Variants in RFX4 observed in about 807,000 individuals in gnomAD.
RFX4 encodes the protein regulatory factor X4, also known as transcription factor RFX4.
RFX4 carries 10 observed loss-of-function variants against 95.0 expected under a neutral mutation model. The ratio of observed to expected loss-of-function variants is 0.11; its 90% CI spans 0.06 to 0.18. The LOEUF (loss-of-function observed/expected upper bound fraction) is 0.18. Ranked by LOEUF, RFX4 falls within the 10% of genes least tolerant of loss-of-function variation. The pLI is 1.00. For missense variants in RFX4, 640 were observed against 922.0 expected, an observed-to-expected ratio of 0.69 and a Z score of 3.96; for synonymous variants, 321 against 340.7, an observed-to-expected ratio of 0.94 and a Z score of 0.64.
At chr12:106,626,791 A>T (rs1431105073) in intron 2 of RFX4, among the ~76,000 whole-genome samples, 1 of 152,188 alleles carries the variant, frequency 6.6e-6, no homozygotes, top group Non-Finnish European at 1.5e-5. Flanking sequence ...CCTCTTTCAG[A>T]GACAGAATAA....
At chr12:106,733,192 C>CA in intron 15 of RFX4, 107 bp downstream of exon 15, 1 of 1,275,324 alleles carries the variant, frequency 7.8e-7, no homozygotes, top group Non-Finnish European at 1.1e-6. Context: ...CACAAAAAGC[C>CA]AGACATCTTG....
chr12:106,609,245 AGTT>A (rs1455431558), intron 2 of RFX4, among the ~76,000 whole-genome samples: 2 of 152,210 alleles, frequency 1.3e-5, no homozygotes, highest in Non-Finnish European at 2.9e-5. Context: ...GGTTCAAAGT[AGTT>A]GTGTCACAGG....
rs115223834 is a variant in RFX4, at chr12:106,743,749, G to A, written c.1634-3688G>A. ...TCTCTCAGGTGATGGCTATTATCAT[G>A]ACTTCTTCCCACTGCTTGGAAAAAA... On this transcript the variant is annotated intron_variant, in intron 15 of 17. Coordinates refer to ENST00000392842, the MANE Select transcript of RFX4 (RefSeq NM_213594.3). Among the ~76,000 whole-genome samples, 297 of 152,216 alleles carry A rather than the reference G, an allele frequency of 2.0e-3. 3 individuals are homozygous for A. Among genetic ancestry groups the A allele is most frequent in the African/African-American group, 6.8e-3 (281 of 41,534 alleles).
At chr12:106,739,123 A>G (rs894299232) in intron 15 of RFX4, among the ~76,000 whole-genome samples, 2 of 97,208 alleles carry the variant, frequency 2.1e-5, no homozygotes, top group African/African-American at 6.4e-5. Context: ...AAGGACCAAA[A>G]CCAGAAAGAA....
intron 8 of RFX4, among the ~76,000 whole-genome samples, chr12:106,698,924 C>T (rs1252842435): frequency 6.6e-6 from 1 of 151,816 alleles, no homozygotes. Flanking sequence ...TGCTTTTTAT[C>T]TTTATTCCTC....
At chr12:106,613,651 A>C (rs2040009383) in intron 2 of RFX4, among the ~76,000 whole-genome samples, 1 of 152,146 alleles carries the variant, frequency 6.6e-6, no homozygotes, top group Non-Finnish European at 1.5e-5. Context: ...GGTGTGAGCC[A>C]CCACGCCTGG....
intron 2 of RFX4, among the ~76,000 whole-genome samples, chr12:106,621,882 C>G (rs2040193995): frequency 6.6e-6 from 1 of 152,154 alleles, no homozygotes; most frequent in Admixed American, 6.5e-5. Context: ...CTGGTGCTTC[C>G]TTTCTTTCAA....
intron 17 of RFX4, among the ~76,000 whole-genome samples, chr12:106,752,442 T>A (rs1029465266): frequency 2.2e-4 from 33 of 152,124 alleles, no homozygotes; most frequent in Non-Finnish European, 2.9e-5. Flanking sequence ...ACCTGGTCGC[T>A]AAACAGTTTT....
At chr12:106,752,469 CCT>C (rs748975196) in intron 17 of RFX4, among the ~76,000 whole-genome samples, 6 of 152,040 alleles carry the variant, frequency 3.9e-5, no homozygotes, top group Non-Finnish European at 5.9e-5. Flanking sequence ...CATTCTATCC[CCT>C]CTTTGACCTC....
chr12:106,639,129 G>A (rs1384136813), intron 2 of RFX4, among the ~76,000 whole-genome samples: 1 of 152,176 alleles, frequency 6.6e-6, no homozygotes. Flanking sequence ...AAATTGACAT[G>A]AGAGTTTTAA....
At chr12:106,741,600 A>G (rs993406975) in intron 15 of RFX4, among the ~76,000 whole-genome samples, 2 of 152,208 alleles carry the variant, frequency 1.3e-5, no homozygotes, top group African/African-American at 2.4e-5. Context: ...ACGAGTGGCT[A>G]TAGGATAGGG....
At chr12:106,639,448 C>T in intron 3 of RFX4, 56 bp downstream of exon 3, 1 of 1,460,228 alleles carries the variant, frequency 6.8e-7, no homozygotes, top group Non-Finnish European at 9.6e-7. Context: ...ATCTTCTTGT[C>T]TATAGGATAG....
chr12:106,637,393 A>G (rs2040534627), intron 2 of RFX4, among the ~76,000 whole-genome samples: 1 of 152,152 alleles, frequency 6.6e-6, no homozygotes, highest in Admixed American at 6.6e-5. Flanking sequence ...AATTTTAGAA[A>G]AATTTTTCTA....
At chr12:106,683,671 A>G (rs1230895483) in intron 5 of RFX4, 1 of 152,106 alleles carries the variant, frequency 6.6e-6, no homozygotes, top group African/African-American at 2.4e-5. Context: ...ATATGGAATA[A>G]ATGAAAATAA....
At chr12:106,665,792 C>G (rs1270982472) in intron 4 of RFX4, among the ~76,000 whole-genome samples, 1 of 147,512 alleles carries the variant, frequency 6.8e-6, no homozygotes, top group African/African-American at 2.4e-5. Context: ...AAAATCATAA[C>G]TTTTGTGCCC....
intron 4 of RFX4, among the ~76,000 whole-genome samples, chr12:106,656,924 A>G (rs2040972122): frequency 4.6e-5 from 7 of 152,248 alleles, no homozygotes; most frequent in Admixed American, 4.6e-4. Context: ...GCCTTAAAAC[A>G]AGGAAATACT....
intron 2 of RFX4, among the ~76,000 whole-genome samples, chr12:106,622,622 AT>A (rs34736856): frequency 0.31 from 40,553 of 131,984 alleles, 5,699 homozygotes; most frequent in African/African-American, 0.4. Context: ...TCCAAGCTGC[AT>A]TTTTTTTTTT....
In RFX4 at chr12:106,736,222, T is replaced by C. The variant is rs1485008482; in HGVS notation, c.1633+3137T>C. On this transcript the variant is annotated intron_variant, in intron 15 of 17. Transcript: ENST00000392842. ...ATTCAGTCATAAAGGAGGCTCTCTG[T>C]AATGCAGTCATTTGGAAACACGTGC... Among the ~76,000 whole-genome samples the C allele has an allele frequency of 2.6e-5, 4 of 152,336 alleles. No individual in the cohort carries two copies. The East Asian group carries it at 7.7e-4, about 29-fold the overall frequency.
At chr12:106,590,835 T>C (rs1358974559) in intron 1 of RFX4, among the ~76,000 whole-genome samples, 1 of 152,110 alleles carries the variant, frequency 6.6e-6, no homozygotes. Flanking sequence ...TAGTTCCACC[T>C]ACTCAGGAGG....
Sources: allele counts gnomAD v4.1 joint callset (sites outside exome capture counted in the v4.1 genomes callset), GRCh38; gene constraint gnomAD v4.1.1; transcripts MANE v1.5; gene names NCBI Gene and HGNC (gene_info 2026-07-23, HGNC 2026-07-21).